RPH3A: variants seen among roughly 807,000 people sequenced by gnomAD.
RPH3A encodes the protein rabphilin 3A, also known as rabphilin-3A.
A neutral mutation model predicts 102.2 loss-of-function variants in RPH3A; 48 were observed. That is an observed-to-expected ratio of 0.47 (90% CI 0.37 to 0.60). RPH3A has a LOEUF of 0.60. Among genes scored for constraint, RPH3A ranks in the 20% least tolerant of loss-of-function variants. The pLI, the probability that RPH3A is intolerant of heterozygous loss-of-function variation, is 0.00. For synonymous variants in RPH3A, 310 were observed against 324.3 expected, an observed-to-expected ratio of 0.96 and a Z score of 0.47; for missense variants, 781 against 910.1, an observed-to-expected ratio of 0.86 and a Z score of 1.83.
intron 1 of RPH3A, among the ~76,000 whole-genome samples, chr12:112,593,473 C>T (rs995489589): frequency 1.3e-4 from 20 of 152,080 alleles, no homozygotes; most frequent in Non-Finnish European, 2.2e-4. Context: ...CCATCCTGAC[C>T]GATACATTCT....
intron 2 of RPH3A, among the ~76,000 whole-genome samples, chr12:112,814,634 A>T (rs1028124209): frequency 2.6e-5 from 4 of 152,128 alleles, no homozygotes; most frequent in Non-Finnish European, 2.9e-5. Context: ...TATTAAAGGG[A>T]GAACATCTGG....
At chr12:112,862,146 C>T (rs2042528912) in intron 5 of RPH3A, among the ~76,000 whole-genome samples, 1 of 151,968 alleles carries the variant, frequency 6.6e-6, no homozygotes, top group Non-Finnish European at 1.5e-5. Context: ...ATAGTGAGAC[C>T]CCATCTTTCC....
At chr12:112,878,591 G>T (rs2042849290) in intron 13 of RPH3A, among the ~76,000 whole-genome samples, 2 of 152,154 alleles carry the variant, frequency 1.3e-5, no homozygotes, top group African/African-American at 2.4e-5. Context: ...CACCATAAAA[G>T]AAATAAAATA....
chr12:112,802,156 G>A (rs780095063), intron 2 of RPH3A, among the ~76,000 whole-genome samples: 4 of 152,210 alleles, frequency 2.6e-5, no homozygotes, highest in Non-Finnish European at 4.4e-5. Flanking sequence ...GGCAACACAG[G>A]TAGATGCTTT....
rs370181093 is a variant in RPH3A at position 112,772,794 on chromosome 12, G to A, written c.-139-19349G>A. On this transcript the variant is annotated intron_variant, in intron 1 of 21. Transcript: ENST00000543106. ...AGGTGGTATTTGATTACATAAGTACGTTCTTTAGTGGTGATTTGTGAGATT... is the reference window on the plus strand; with the variant it reads ...AGGTGGTATTTGATTACATAAGTACATTCTTTAGTGGTGATTTGTGAGATT... Among the ~76,000 whole-genome samples, 7 of 151,678 alleles carry A rather than the reference G, an allele frequency of 4.6e-5. No homozygotes were observed. The South Asian group carries it at 1.0e-3, about 23-fold the overall frequency.
intron 1 of RPH3A, among the ~76,000 whole-genome samples, chr12:112,575,635 AG>A (rs2039353425): frequency 1.3e-5 from 2 of 152,020 alleles, no homozygotes; most frequent in Non-Finnish European, 2.9e-5. Context: ...GCTGCGGCGA[AG>A]GTAGCTCCTC....
chr12:112,605,042 G>C (rs1222506228), intron 1 of RPH3A, among the ~76,000 whole-genome samples: 1 of 152,182 alleles, frequency 6.6e-6, no homozygotes, highest in African/African-American at 2.4e-5. Context: ...TTTACCTCTT[G>C]AAGTGGGGAG....
chr12:112,734,968 C>G (rs1335473147), intron 1 of RPH3A, among the ~76,000 whole-genome samples: 2 of 152,202 alleles, frequency 1.3e-5, no homozygotes. Flanking sequence ...GACCTCCTAT[C>G]TCATCCTGTG....
At position 112,723,845 on chromosome 12, in the gene RPH3A, T is replaced by C. The variant is rs759984714; in HGVS notation, c.-139-68298T>C. 3.5e-4 allele frequency among the ~76,000 whole-genome samples: 54 copies of C among 152,228 alleles called. 1 individual carries two copies. The highest frequency in any genetic ancestry group is 4.3e-4 in the Non-Finnish European group (29 of 68,042). ...GACGACAGTTAATGTTATGCAGTTA[T>C]GGTTTAATATTGCATATTTACATAT... On this transcript the variant is annotated intron_variant, in intron 1 of 21. Coordinates refer to the RPH3A transcript ENST00000543106.
intron 4 of RPH3A, chr12:112,842,067 G>A (rs574387425): frequency 6.8e-5 from 31 of 455,728 alleles, no homozygotes; most frequent in Middle Eastern, 3.3e-4. Flanking sequence ...CAGGCTGTGC[G>A]TTTTGTTTCA....
intron 1 of RPH3A, among the ~76,000 whole-genome samples, chr12:112,625,120 G>A (rs1468280703): frequency 7.0e-5 from 8 of 115,060 alleles, no homozygotes; most frequent in Non-Finnish European, 1.4e-4. Context: ...GGCAAAAACC[G>A]GAAGCATTCC....
chr12:112,792,979 G>T (rs1043885244), intron 2 of RPH3A, among the ~76,000 whole-genome samples: 42 of 152,272 alleles, frequency 2.8e-4, no homozygotes, highest in African/African-American at 1.0e-3. Context: ...GAGCGTCCTG[G>T]CACTAGCTTG....
intron 1 of RPH3A, among the ~76,000 whole-genome samples, chr12:112,655,105 T>G (rs1592927946): frequency 6.6e-6 from 1 of 152,072 alleles, no homozygotes; most frequent in African/African-American, 2.4e-5. Flanking sequence ...CCACAAAGGG[T>G]TTCATTTTGT....
At chr12:112,798,852 T>C (rs538902052) in intron 2 of RPH3A, among the ~76,000 whole-genome samples, 46 of 152,186 alleles carry the variant, frequency 3.0e-4, no homozygotes, top group Admixed American at 2.6e-3. Flanking sequence ...TCTCTCCCTT[T>C]CTCTCTCCTC....
At chr12:112,841,521 A>G (rs1459414001) in intron 4 of RPH3A, among the ~76,000 whole-genome samples, 1 of 152,164 alleles carries the variant, frequency 6.6e-6, no homozygotes, top group Non-Finnish European at 1.5e-5. Context: ...TGTTTACATC[A>G]TAAGATATTG....
chr12:112,835,337 T>G (rs2042031127), intron 3 of RPH3A, among the ~76,000 whole-genome samples: 2 of 152,228 alleles, frequency 1.3e-5, no homozygotes, highest in African/African-American at 4.8e-5. Flanking sequence ...AACAGTTGCC[T>G]GAAGGGTGGA....
chr12:112,745,026 A>T (rs1007699255), intron 1 of RPH3A, among the ~76,000 whole-genome samples: 1 of 152,204 alleles, frequency 6.6e-6, no homozygotes, highest in Admixed American at 6.5e-5. Context: ...TCTGTCCAAG[A>T]TCTAATCCAG....
rs550118066 is a variant in RPH3A, at chr12:112,658,843, A to G, written c.-140+83524A>G. 2.0e-5 allele frequency among the ~76,000 whole-genome samples: 3 copies of G among 152,360 alleles called. No individual in the cohort carries two copies. The East Asian group carries it at 5.8e-4, about 29-fold the overall frequency. On this transcript the variant is annotated intron_variant, in intron 1 of 21. Coordinates refer to the RPH3A transcript ENST00000543106. ...CTGTTGGACTGGTGCCCAGATTGCC[A>G]GATTAATTGACCTTCCAGGCCAACG...
chr12:112,580,562 C>A (rs1203139450), intron 1 of RPH3A, among the ~76,000 whole-genome samples: 1 of 151,910 alleles, frequency 6.6e-6, no homozygotes, highest in Non-Finnish European at 1.5e-5. Context: ...CGCCACCACG[C>A]CCGGCTAATT....
Sources: gnomAD v4.1 joint callset for allele counts (sites outside exome capture counted in the v4.1 genomes callset) on GRCh38, gnomAD v4.1.1 for gene constraint, MANE v1.5 for transcripts, NCBI Gene and HGNC (gene_info 2026-07-23, HGNC 2026-07-21) for gene names.